MRPL3: variants seen among roughly 807,000 people sequenced by gnomAD.
MRPL3 encodes mitochondrial ribosomal protein L3, also known as large ribosomal subunit protein uL3m.
A neutral mutation model predicts 44.3 loss-of-function variants in MRPL3; 43 were observed. The observed-to-expected ratio is 0.97, with a 90% CI of 0.76 to 1.25. MRPL3 has a LOEUF of 1.25. Ranked by LOEUF, MRPL3 falls within the 50% of genes most tolerant of loss-of-function variation. The pLI is 0.00. For missense variants in MRPL3, 406 were observed against 427.6 expected (o/e 0.95, Z 0.45); for synonymous variants, 171 against 152.3 (o/e 1.12, Z -0.91).
intron 4 of MRPL3, among the ~76,000 whole-genome samples, chr3:131,494,630 C>A (rs953696027): frequency 6.6e-6 from 1 of 152,068 alleles, no homozygotes; most frequent in Non-Finnish European, 1.5e-5. Context: ...TTAGACTAAA[C>A]CATAAATAGA....
chr3:131,490,140 A>T, intron 4 of MRPL3, 60 bp from the exon 5 acceptor site: 1 of 1,213,036 alleles, frequency 8.2e-7, no homozygotes. Flanking sequence ...AATTAAATGC[A>T]TGGAGATCTA....
intron 1 of MRPL3, 195 bp from the exon 2 acceptor site, chr3:131,501,910 C>T (rs770739631): frequency 2.0e-6 from 3 of 1,536,238 alleles, no homozygotes; most frequent in Admixed American, 2.0e-5. Context: ...CACATTTAAA[C>T]TGTTAGTCGT....
intron 6 of MRPL3, among the ~76,000 whole-genome samples, chr3:131,472,488 C>G (rs1190780521): frequency 6.6e-6 from 1 of 152,118 alleles, no homozygotes; most frequent in Non-Finnish European, 1.5e-5. Context: ...ATATGACAAA[C>G]ATACTGATGT....
In MRPL3 at chr3:131,463,536, G is replaced by C. The variant is rs149886840; in HGVS notation, c.895-661C>G. Among the ~76,000 whole-genome samples, 18 of 152,188 alleles carry C rather than the reference G, an allele frequency of 1.2e-4. No individual in the cohort carries two copies. The East Asian group carries it at 3.3e-3, about 28-fold the overall frequency. The stretch of plus-strand genomic sequence containing the variant: ...GCCTTAGTGCATTTTTCTGCTTATA[G>C]GTGTGAGCAACAAGAACCAATCCTA... On this transcript the variant is annotated intron_variant, in intron 9 of 9. Coordinates refer to ENST00000264995, the MANE Select transcript of MRPL3 (RefSeq NM_007208.4).
intron 9 of MRPL3, among the ~76,000 whole-genome samples, 153 bp from the exon 10 acceptor site, chr3:131,463,028 A>G (rs1411031558): frequency 6.6e-6 from 1 of 152,210 alleles, no homozygotes; most frequent in Non-Finnish European, 1.5e-5. Context: ...AACTCAGTCA[A>G]TGCTTTCCTT....
intron 4 of MRPL3, among the ~76,000 whole-genome samples, chr3:131,492,625 C>A (rs1934283177): frequency 1.3e-5 from 2 of 152,300 alleles, no homozygotes; most frequent in South Asian, 4.1e-4. Flanking sequence ...CACTCACCTG[C>A]CATTCACCTC....
At chr3:131,489,265 C>T (rs1934196060) in intron 5 of MRPL3, among the ~76,000 whole-genome samples, 1 of 152,004 alleles carries the variant, frequency 6.6e-6, no homozygotes, top group Admixed American at 6.6e-5. Flanking sequence ...CTTAAAATTG[C>T]AAAATCTTAA....
intron 5 of MRPL3, 96 bp downstream of exon 5, chr3:131,489,885 T>C: frequency 1.4e-6 from 1 of 725,762 alleles, no homozygotes; most frequent in East Asian, 2.7e-5. Context: ...GTTTGAGACT[T>C]TGCATTTTAG....
At chr3:131,482,465 A>C (rs901929750) in intron 6 of MRPL3, among the ~76,000 whole-genome samples, 18 of 151,848 alleles carry the variant, frequency 1.2e-4, no homozygotes, top group Admixed American at 1.1e-3. Flanking sequence ...CAGTGAGCCG[A>C]GATCGTGCCA....
intron 5 of MRPL3, among the ~76,000 whole-genome samples, chr3:131,489,515 T>C (rs1173160411): frequency 6.6e-6 from 1 of 152,136 alleles, no homozygotes; most frequent in Non-Finnish European, 1.5e-5. Flanking sequence ...TATAATCATA[T>C]GCCAAATCTT....
At chr3:131,498,008 C>T in intron 4 of MRPL3, 171 bp downstream of exon 4, 2 of 618,984 alleles carry the variant, frequency 3.2e-6, no homozygotes, top group Non-Finnish European at 5.7e-6. Flanking sequence ...ACTCAAGAGT[C>T]TCCAAGACTC....
At chr3:131,463,843 A>C (rs1933543817) in intron 9 of MRPL3, among the ~76,000 whole-genome samples, 1 of 152,142 alleles carries the variant, frequency 6.6e-6, no homozygotes, top group Non-Finnish European at 1.5e-5. Context: ...GCCTTCATTC[A>C]TAAGTAAAGT....
intron 6 of MRPL3, among the ~76,000 whole-genome samples, chr3:131,479,877 G>A (rs1449711897): frequency 6.6e-6 from 1 of 152,100 alleles, no homozygotes; most frequent in African/African-American, 2.4e-5. Context: ...TCTTTTAACT[G>A]TGATAAAGTA....
At chr3:131,496,752 T>C (rs541328462) in intron 4 of MRPL3, among the ~76,000 whole-genome samples, 1 of 152,344 alleles carries the variant, frequency 6.6e-6, no homozygotes, top group Admixed American at 6.5e-5. Flanking sequence ...AACTCTTTCC[T>C]TCTATCAGAT....
chr3:131,481,376 T>G (rs1450913754), intron 6 of MRPL3, among the ~76,000 whole-genome samples: 1 of 152,240 alleles, frequency 6.6e-6, no homozygotes, highest in African/African-American at 2.4e-5. Context: ...TGATAGTAGC[T>G]AATACTCCTG....
At chr3:131,490,574 A>C (rs1000352639) in intron 4 of MRPL3, among the ~76,000 whole-genome samples, 45 of 152,158 alleles carry the variant, frequency 3.0e-4, no homozygotes, top group Admixed American at 6.6e-5. Flanking sequence ...TCATTTTCAC[A>C]CTCTATAAGA....
intron 6 of MRPL3, among the ~76,000 whole-genome samples, chr3:131,477,957 T>C (rs1030063037): frequency 6.6e-6 from 1 of 152,176 alleles, no homozygotes; most frequent in Non-Finnish European, 1.5e-5. Flanking sequence ...CTGCCTCTGA[T>C]TCTCTTCTCA....
intron 6 of MRPL3, among the ~76,000 whole-genome samples, chr3:131,475,752 T>C (rs1401489816): frequency 6.6e-6 from 1 of 152,178 alleles, no homozygotes; most frequent in East Asian, 1.9e-4. Context: ...AAGAGAATAA[T>C]CAAATATTTT....
In MRPL3 at chr3:131,496,885, G is replaced by A. The variant is rs569686455; in HGVS notation, c.468+1294C>T. ...AACCTCACACACTACCTTGATAGCT[G>A]CAGCTTCACCACCCTCCCAACACTG... On this transcript the variant is annotated intron_variant, in intron 4 of 9. Transcript: ENST00000264995. 1.1e-3 allele frequency among the ~76,000 whole-genome samples: 172 copies of A among 152,300 alleles called. 1 individual carries two copies. The highest frequency in any genetic ancestry group is 3.9e-3 in the African/African-American group (161 of 41,560).
Sources: allele counts gnomAD v4.1 joint callset (sites outside exome capture counted in the v4.1 genomes callset), GRCh38; gene constraint gnomAD v4.1.1; transcripts MANE v1.5; gene names NCBI Gene and HGNC (gene_info 2026-07-23, HGNC 2026-07-21).